ZBTB39: variants seen among roughly 807,000 people sequenced by gnomAD.
ZBTB39 encodes the protein zinc finger and BTB domain-containing protein 39.
Under a neutral mutation model 39.4 loss-of-function variants are expected in ZBTB39, and 25 were observed. The ratio of observed to expected loss-of-function variants is 0.63; its 90% CI spans 0.46 to 0.89. ZBTB39 has a LOEUF of 0.89. Ranked by LOEUF, ZBTB39 falls within the 40% of genes least tolerant of loss-of-function variation. The pLI is 0.00. For synonymous variants in ZBTB39, 373 were observed against 359.6 expected (o/e 1.04, Z -0.42); for missense variants, 891 against 909.7 (o/e 0.98, Z 0.26).
Position 57,003,721 on chromosome 12 carries a change from A to G in ZBTB39, c.1197T>C (p.Leu399=). The G allele has an allele frequency of 6.2e-7, 1 of 1,614,168 alleles. No homozygotes were observed. The highest frequency in any genetic ancestry group is 8.5e-7 in the Non-Finnish European group (1 of 1,180,040). Residue 399 remains leucine, a synonymous_variant, in exon 2 of 2, where the codon CTT becomes CTC. Transcript: ENST00000300101. The surrounding 1 kb of genome is among the most constrained non-coding windows in gnomAD (Gnocchi z 4.8). The part of the protein sequence containing the change: ...THVLSHIGIF[L]FSCDMCETKF... The stretch of plus-strand genomic sequence containing the variant: ...TAGTTTCACACATGTCGCAGGAGAA[A>G]AGGAAAATACCAATGTGGGACAGGA...
At chr12:57,005,183 T>C (rs2136411153) in intron 1 of ZBTB39, among the ~76,000 whole-genome samples, 1 of 152,342 alleles carries the variant, frequency 6.6e-6, no homozygotes, top group Non-Finnish European at 1.5e-5. Flanking sequence ...GACAATCTGA[T>C]AGCTTGGTTT....
In ZBTB39 at chr12:57,003,106, C is replaced by A. The variant is rs1956219994; in HGVS notation, c.1812G>T (p.Lys604Asn). The change falls in exon 2 of 2, where the codon AAG (lysine) becomes AAT (asparagine). Residue 604 changes from lysine to asparagine, a missense_variant. By Grantham distance (94) the Lys-to-Asn change is moderately conservative (BLOSUM62 0). Coordinates refer to ENST00000300101, the MANE Select transcript of ZBTB39 (RefSeq NM_014830.3). The surrounding 1 kb of genome is among the most constrained non-coding windows in gnomAD (Gnocchi z 4.8). ...LALQGQPGNS[K>N]YSCKVCGKRF... Reference sequence around the variant, plus strand: ...TTTTGCCACAGACCTTGCAGCTATACTTGCTGTTCCCAGGTTGGCCCTGCA... The same window carrying A: ...TTTTGCCACAGACCTTGCAGCTATAATTGCTGTTCCCAGGTTGGCCCTGCA... The A allele has an allele frequency of 6.2e-7, 1 of 1,614,188 alleles. No individual in the cohort carries two copies. Among genetic ancestry groups the A allele is most frequent in the Non-Finnish European group, 8.5e-7 (1 of 1,180,042 alleles).
rs747839859 is a variant in ZBTB39 at position 57,003,735 on chromosome 12, T to C, written c.1183A>G (p.Ile395Val). 1.9e-6 allele frequency: 3 copies of C among 1,614,114 alleles called. No individual in the cohort carries two copies. Among genetic ancestry groups the C allele is most frequent in the East Asian group, 4.5e-5 (2 of 44,882 alleles). Residue 395 changes from isoleucine (I) to valine (V), a missense_variant, in exon 2 of 2, where the codon ATT becomes GTT. Physicochemically the swap from Ile to Val is conservative, Grantham distance 29. Coordinates refer to ENST00000300101, the MANE Select transcript of ZBTB39 (RefSeq NM_014830.3). This position sits in a 1 kb window ranked among gnomAD's most constrained non-coding sequence, Gnocchi z 4.8. ...NSRVTHVLSH[I>V]GIFLFSCDMC... is the part of the protein sequence containing the mutation. ...TCGCAGGAGAAAAGGAAAATACCAA[T>C]GTGGGACAGGACATGAGTTACCCGG...
Position 57,002,799 on chromosome 12 carries a change from C to A in ZBTB39, c.2119G>T (p.Asp707Tyr). 1.2e-6 allele frequency: 2 copies of A among 1,613,910 alleles called. No individual in the cohort carries two copies. The highest frequency in any genetic ancestry group is 1.7e-6 in the Non-Finnish European group (2 of 1,179,814). The part of the protein sequence containing the change: ...FMYIIHSKEA[D>Y]KNPDS The stretch of plus-strand genomic sequence containing the variant: ...CCCAGTCAACTGTCCGGGTTCTTAT[C>A]CGCCTCTTTGGAATGGATGATGTAC... Residue 707 changes from aspartate (D) to tyrosine (Y), a missense_variant, in exon 2 of 2, where the codon GAT (aspartate) becomes TAT (tyrosine). Asp to Tyr is a radical substitution (Grantham distance 160, BLOSUM62 -3). Transcript: ENST00000300101.
Position 57,002,852 on chromosome 12 carries a change from G to A in ZBTB39, c.2066C>T (p.Pro689Leu), listed in dbSNP as rs980923889. ...HVGVHKGSLP[P>L]DFTIEQTFMY... ...GAAGGTCTGCTCGATGGTGAAGTCA[G>A]GGGGGAGGCTGCCTTTGTGCACACC... is the stretch of plus-strand genomic sequence containing the variant. Residue 689 changes from proline to leucine, a missense_variant, in exon 2 of 2, where the codon CCT (proline) becomes CTT (leucine). Transcript: ENST00000300101. The A allele has an allele frequency of 1.2e-6, 2 of 1,614,192 alleles. No homozygotes were observed. The highest frequency in any genetic ancestry group is 1.7e-5 in the Admixed American group (1 of 60,022).
At position 57,004,959 on chromosome 12, in the gene ZBTB39, A is replaced by T; in HGVS notation, c.-42T>A. Reference sequence around the variant, plus strand: ...AAATTACCTCCTTATCAGCACAGTTAATCTGTGGATAGCAAGAGAAAAAGA... The same window carrying T: ...AAATTACCTCCTTATCAGCACAGTTTATCTGTGGATAGCAAGAGAAAAAGA... On this transcript the variant is annotated splice_region_variant and 5_prime_UTR_variant, in exon 2 of 2. Transcript: ENST00000300101. 6.5e-7 allele frequency: 1 copy of T among 1,531,368 alleles called. No homozygotes were observed. 94.9% of individuals were successfully genotyped at this position (1,531,368 alleles called of 1,614,324 possible). A position where few individuals can be genotyped will look rare whatever the true frequency, so the allele number is the denominator to read the frequency against.
chr12:57,002,502 T>C lies in ZBTB39; in HGVS notation c.*277A>G, dbSNP rs1484059765. The C allele has an allele frequency of 6.5e-6, 3 of 462,138 alleles. No homozygotes were observed. The highest frequency in any genetic ancestry group is 7.7e-6 in the Non-Finnish European group (2 of 258,114). The allele number at this position is 462,138 out of a possible 1,614,324, so 28.6% of individuals were successfully genotyped here. A position where few individuals can be genotyped will look rare whatever the true frequency, so the allele number is the denominator to read the frequency against. On this transcript the variant is annotated 3_prime_UTR_variant, in exon 2 of 2. Coordinates refer to ENST00000300101, the MANE Select transcript of ZBTB39 (RefSeq NM_014830.3). ...GGAAGGGGGTCTAGTGGACACCAAC[T>C]GCTTGACTAGATCCCAAAACCAGCC...
Position 57,002,831 on chromosome 12 carries a change from G to C in ZBTB39, c.2087C>G (p.Thr696Ser), listed in dbSNP as rs375715686. ...SLPPDFTIEQ[T>S]FMYIIHSKEA... ...TTTGGAATGGATGATGTACATGAAG[G>C]TCTGCTCGATGGTGAAGTCAGGGGG... is the stretch of plus-strand genomic sequence containing the variant. The change falls in exon 2 of 2, where the codon ACC becomes AGC. Residue 696 changes from threonine (T) to serine (S), a missense_variant. Thr to Ser is a moderately conservative substitution (Grantham distance 58). Coordinates refer to ENST00000300101, the MANE Select transcript of ZBTB39 (RefSeq NM_014830.3). The C allele has an allele frequency of 6.2e-7, 1 of 1,614,214 alleles. No individual in the cohort carries two copies. Among genetic ancestry groups the C allele is most frequent in the Non-Finnish European group, 8.5e-7 (1 of 1,180,044 alleles).
chr12:57,004,091 C>A lies in ZBTB39; in HGVS notation c.827G>T (p.Cys276Phe). 6.2e-7 allele frequency: 1 copy of A among 1,614,222 alleles called. No homozygotes were observed. The highest frequency in any genetic ancestry group is 8.5e-7 in the Non-Finnish European group (1 of 1,180,052). Reference sequence around the variant, plus strand: ...TTTGGAGTGCTCACTATTGCTCAGACAGGAGTTGGTCCCAGTGGTAATGTC... The same window carrying A: ...TTTGGAGTGCTCACTATTGCTCAGAAAGGAGTTGGTCCCAGTGGTAATGTC... ...AVDITTGTNS[C>F]LSNSEHSKDP... The change falls in exon 2 of 2, where the codon TGT (cysteine) becomes TTT (phenylalanine). Residue 276 changes from cysteine to phenylalanine, a missense_variant. By Grantham distance (205) the Cys-to-Phe change is radical. Coordinates refer to ENST00000300101, the MANE Select transcript of ZBTB39 (RefSeq NM_014830.3).
At chr12:57,006,204 C>G (rs891097483) in intron 1 of ZBTB39, among the ~76,000 whole-genome samples, 1 of 151,976 alleles carries the variant, frequency 6.6e-6, no homozygotes, top group South Asian at 2.1e-4. Flanking sequence ...GCGGGGCTCA[C>G]CCGGGTGAGC....
Position 57,002,799 on chromosome 12 carries a change from C to T in ZBTB39, c.2119G>A (p.Asp707Asn). ...FMYIIHSKEA[D>N]KNPDS ...CCCAGTCAACTGTCCGGGTTCTTATCCGCCTCTTTGGAATGGATGATGTAC... is the reference window on the plus strand; with the variant it reads ...CCCAGTCAACTGTCCGGGTTCTTATTCGCCTCTTTGGAATGGATGATGTAC... The change falls in exon 2 of 2, where the codon GAT becomes AAT. Residue 707 changes from aspartate (D) to asparagine (N), a missense_variant. Asp to Asn is a conservative substitution (Grantham distance 23). Transcript: ENST00000300101. The T allele has an allele frequency of 6.2e-7, 1 of 1,613,910 alleles. No individual in the cohort carries two copies. Among genetic ancestry groups the T allele is most frequent in the Non-Finnish European group, 8.5e-7 (1 of 1,179,814 alleles).
At position 57,004,240 on chromosome 12, in the gene ZBTB39, G is replaced by A. The variant is rs1956231227; in HGVS notation, c.678C>T (p.Thr226=). ...APFTSIPSMM[T]QPLLGTVSTG... is the part of the protein sequence containing the mutation. ...TGCTGACAGTGCCTAGGAGTGGCTG[G>A]GTCATCATGCTAGGAATGGACGTGA... Residue 226 remains threonine (T), a synonymous_variant, in exon 2 of 2, where the codon ACC becomes ACT. Transcript: ENST00000300101. 1.9e-6 allele frequency: 3 copies of A among 1,614,082 alleles called. No homozygotes were observed. Among genetic ancestry groups the A allele is most frequent in the South Asian group, 1.1e-5 (1 of 91,080 alleles).
rs149295640 is a variant in ZBTB39, at chr12:57,003,715, G to A, written c.1203C>T (p.Ser401=). 1.1e-4 allele frequency: 185 copies of A among 1,614,214 alleles called. No homozygotes were observed. In the African/African-American group the frequency reaches 2.4e-3, roughly 21 times the overall value. ...AGAACTTAGTTTCACACATGTCGCA[G>A]GAGAAAAGGAAAATACCAATGTGGG... The part of the protein sequence containing the change: ...VLSHIGIFLF[S]CDMCETKFFT... The change falls in exon 2 of 2, where the codon TCC becomes TCT. Residue 401 remains serine (S), a synonymous_variant. Coordinates refer to ENST00000300101, the MANE Select transcript of ZBTB39 (RefSeq NM_014830.3). The surrounding 1 kb of genome is among the most constrained non-coding windows in gnomAD (Gnocchi z 4.8).
In ZBTB39 at chr12:57,002,873, A is replaced by C. The variant is rs372704355; in HGVS notation, c.2045T>G (p.Val682Gly). The change falls in exon 2 of 2, where the codon GTG (valine) becomes GGG (glycine). Residue 682 changes from valine (V) to glycine (G), a missense_variant. Val to Gly is a moderately radical substitution (Grantham distance 109, BLOSUM62 -3). Transcript: ENST00000300101. ...GTCAGGGGGGAGGCTGCCTTTGTGC[A>C]CACCAACATGTTTGCTCATGAGGTT... Reference protein sequence around the residue: ...TLNLMSKHVGVHKGSLPPDFT... With the variant: ...TLNLMSKHVGGHKGSLPPDFT... The C allele has an allele frequency of 2.5e-6, 4 of 1,614,118 alleles. No homozygotes were observed. The highest frequency in any genetic ancestry group is 3.4e-6 in the Non-Finnish European group (4 of 1,180,048).
chr12:57,005,066 A>G, intron 1 of ZBTB39, 105 bp from the exon 2 acceptor site: 2 of 762,136 alleles, frequency 2.6e-6, no homozygotes, highest in Non-Finnish European at 4.1e-6. Context: ...AGCCCCAGGT[A>G]GGGATCAGGA....
Position 57,003,793 on chromosome 12 carries a change from C to T in ZBTB39, c.1125G>A (p.Lys375=), listed in dbSNP as rs1956226981. The T allele has an allele frequency of 1.2e-6, 2 of 1,614,084 alleles. No homozygotes were observed. Among genetic ancestry groups the T allele is most frequent in the African/African-American group, 1.3e-5 (1 of 74,926 alleles). Residue 375 remains lysine (K), a synonymous_variant, in exon 2 of 2, where the codon AAG becomes AAA. Transcript: ENST00000300101. This position sits in a 1 kb window ranked among gnomAD's most constrained non-coding sequence, Gnocchi z 4.8. Reference sequence around the variant, plus strand: ...GGTCCTGGAAGTGGGTCTCGCAGACCTTGCAGTTGCCCGTCAGCAGGTCCA... The same window carrying T: ...GGTCCTGGAAGTGGGTCTCGCAGACTTTGCAGTTGCCCGTCAGCAGGTCCA... ...DHVDLLTGNC[K]VCETHFQDRN... is the part of the protein sequence containing the mutation.
Position 57,002,469 on chromosome 12 carries a change from G to C in ZBTB39, c.*310C>G, listed in dbSNP as rs181264510. 2.8e-6 allele frequency: 1 copy of C among 359,022 alleles called. No individual in the cohort carries two copies. The highest frequency in any genetic ancestry group is 5.1e-6 in the Non-Finnish European group (1 of 197,220). 22.2% of individuals were successfully genotyped at this position (359,022 alleles called of 1,614,324 possible). A position where few individuals can be genotyped will look rare whatever the true frequency, so the allele number is the denominator to read the frequency against. On this transcript the variant is annotated 3_prime_UTR_variant, in exon 2 of 2. Transcript: ENST00000300101. ...AACCTATCAGTAAACTAAAACTAGAGAGGCTGGGGAAGGGGGTCTAGTGGA... is the reference window on the plus strand; with the variant it reads ...AACCTATCAGTAAACTAAAACTAGACAGGCTGGGGAAGGGGGTCTAGTGGA...
Position 57,004,559 on chromosome 12 carries a change from G to A in ZBTB39, c.359C>T (p.Ser120Phe), listed in dbSNP as rs746704012. The change falls in exon 2 of 2, where the codon TCT (serine) becomes TTT (phenylalanine). Residue 120 changes from serine (S) to phenylalanine (F), a missense_variant. Coordinates refer to ENST00000300101, the MANE Select transcript of ZBTB39 (RefSeq NM_014830.3). ...GMEDLLQACH[S>F]TFPDLESTAR... is the part of the protein sequence containing the mutation. ...AGTGCTCTCCAGATCAGGAAAGGTA[G>A]AGTGACAGGCCTGGAGGAGGTCCTC... 15 of 1,614,128 alleles carry A rather than the reference G, an allele frequency of 9.3e-6. No individual in the cohort carries two copies. Among genetic ancestry groups the A allele is most frequent in the Non-Finnish European group, 1.2e-5 (14 of 1,180,058 alleles).
rs1407929758 is a variant in ZBTB39 at position 57,006,520 on chromosome 12, C to CCGCCGCGCGGCT, written c.-172_-161dup. 1 of 145,980 alleles carries CCGCCGCGCGGCT rather than the reference C, an allele frequency of 6.9e-6. No individual in the cohort carries two copies. The highest frequency in any genetic ancestry group is 1.5e-5 in the Non-Finnish European group (1 of 65,662). The allele number at this position is 145,980 out of a possible 1,614,324, so 9.0% of individuals were successfully genotyped here. A position where few individuals can be genotyped will look rare whatever the true frequency, so the allele number is the denominator to read the frequency against. ...CGCCGGCCGCGGCCAGACTCTCCAT[C>CCGCCGCGCGGCT]CGCCGCGCGGCTCGCCGCGACGGCC... On this transcript the variant is annotated 5_prime_UTR_variant, in exon 1 of 2. Transcript: ENST00000300101.
Sources: allele counts gnomAD v4.1 joint callset (sites outside exome capture counted in the v4.1 genomes callset), GRCh38; gene constraint gnomAD v4.1.1; non-coding constraint Gnocchi (gnomAD v3.1); transcripts MANE v1.5; gene names NCBI Gene and HGNC (gene_info 2026-07-23, HGNC 2026-07-21).